RBPMS: variants seen among roughly 807,000 people sequenced by gnomAD.
RBPMS encodes the protein RNA-binding protein with multiple splicing.
A neutral mutation model predicts 26.8 loss-of-function variants in RBPMS; 7 were observed. The ratio of observed to expected loss-of-function variants is 0.26; its 90% CI spans 0.15 to 0.49. The LOEUF is 0.49. RBPMS is among the 20% of genes least tolerant of loss of function. RBPMS has a pLI of 0.98. For missense variants in RBPMS, 186 were observed against 250.0 expected, an observed-to-expected ratio of 0.74 and a Z score of 1.73; for synonymous variants, 96 against 93.3, an observed-to-expected ratio of 1.03 and a Z score of -0.17.
intron 5 of RBPMS, among the ~76,000 whole-genome samples, chr8:30,532,346 GACA>G (rs1042955939): frequency 1.3e-5 from 2 of 152,134 alleles, no homozygotes; most frequent in South Asian, 2.1e-4. Context: ...CTATAGCAGA[GACA>G]ACATTATTTA....
intron 1 of RBPMS, among the ~76,000 whole-genome samples, chr8:30,408,249 G>C (rs955517271): frequency 2.6e-5 from 4 of 152,166 alleles, no homozygotes; most frequent in African/African-American, 9.7e-5. Flanking sequence ...CACTACTCCA[G>C]CTGGGCACAG....
chr8:30,499,462 A>G (rs1280010180), intron 4 of RBPMS, among the ~76,000 whole-genome samples: 1 of 152,226 alleles, frequency 6.6e-6, no homozygotes. Flanking sequence ...TCTTTACAAT[A>G]GAGAAACTTG....
intron 1 of RBPMS, among the ~76,000 whole-genome samples, chr8:30,461,709 A>G (rs1815933224): frequency 6.6e-6 from 1 of 152,150 alleles, no homozygotes. Flanking sequence ...GTACAGTTCT[A>G]AGAATACAGA....
At chr8:30,425,557 G>T (rs1462260487) in intron 1 of RBPMS, among the ~76,000 whole-genome samples, 2 of 151,854 alleles carry the variant, frequency 1.3e-5, no homozygotes, top group Non-Finnish European at 2.9e-5. Context: ...GTGCCACCAC[G>T]CCCCGCTAAA....
chr8:30,506,913 C>A (rs747008551), intron 5 of RBPMS, among the ~76,000 whole-genome samples: 16 of 152,062 alleles, frequency 1.1e-4, no homozygotes, highest in Non-Finnish European at 2.1e-4. Flanking sequence ...TGTGCTAGAC[C>A]CTGGAGAAGA....
chr8:30,385,693 CT>C (rs987785231), intron 1 of RBPMS, among the ~76,000 whole-genome samples: 1 of 152,138 alleles, frequency 6.6e-6, no homozygotes, highest in Non-Finnish European at 1.5e-5. Flanking sequence ...TTCTTCTCTG[CT>C]GAGTCAAAGA....
chr8:30,460,756 A>C (rs1481083297), intron 1 of RBPMS, among the ~76,000 whole-genome samples: 1 of 152,204 alleles, frequency 6.6e-6, no homozygotes, highest in Non-Finnish European at 1.5e-5. Flanking sequence ...TATTGAATCT[A>C]GTCAATTAAA....
At position 30,487,359 on chromosome 8, in the gene RBPMS, C is replaced by G. The variant is rs536378586; in HGVS notation, c.246+7982C>G. ...GGATTTGAACTTTTGCTCCACAAAG[C>G]TAGAACCCTTGGTCTTACTCTGTAA... On this transcript the variant is annotated intron_variant, in intron 4 of 8. Transcript: ENST00000397323. Among the ~76,000 whole-genome samples, 19 of 152,338 alleles carry G rather than the reference C, an allele frequency of 1.2e-4. 2 individuals are homozygous for G. The highest frequency in any genetic ancestry group is 4.3e-4 in the African/African-American group (18 of 41,582).
At chr8:30,496,358 G>A (rs542499303) in intron 4 of RBPMS, among the ~76,000 whole-genome samples, 12 of 151,996 alleles carry the variant, frequency 7.9e-5, no homozygotes, top group Non-Finnish European at 1.3e-4. Flanking sequence ...TTAGTAGAGC[G>A]GGGGTTTCAC....
At chr8:30,562,745 C>G (rs1045587934) in intron 7 of RBPMS, among the ~76,000 whole-genome samples, 1 of 152,132 alleles carries the variant, frequency 6.6e-6, no homozygotes, top group East Asian at 1.9e-4. Context: ...TCTCTCCGTT[C>G]GGCGGGGAGG....
In RBPMS at chr8:30,422,664, C is replaced by T. The variant is rs780431001; in HGVS notation, c.66+37506C>T. Among the ~76,000 whole-genome samples, 19 of 152,190 alleles carry T rather than the reference C, an allele frequency of 1.2e-4. No individual in the cohort carries two copies. The East Asian group carries it at 1.9e-3, about 15-fold the overall frequency. On this transcript the variant is annotated intron_variant, in intron 1 of 8. Coordinates refer to ENST00000397323, the MANE Select transcript of RBPMS (RefSeq NM_001008710.3). ...GGAACTTAATAATGTACAAGAGAAA[C>T]CCAAATGTACGTTTCTGAACAAATT...
At chr8:30,566,203 G>C (rs1016224773) in intron 7 of RBPMS, 54 bp from the exon 8 acceptor site, 83 of 960,748 alleles carry the variant, frequency 8.6e-5, no homozygotes, top group Non-Finnish European at 9.8e-5. Context: ...GACCGAGGCA[G>C]CCCCAGGTGG....
intron 1 of RBPMS, among the ~76,000 whole-genome samples, chr8:30,418,459 A>G (rs1238863320): frequency 6.6e-6 from 1 of 152,114 alleles, no homozygotes. Flanking sequence ...TTTCTTATTA[A>G]AGAAGTGTAT....
At chr8:30,540,613 G>A (rs1407426134) in intron 5 of RBPMS, among the ~76,000 whole-genome samples, 1 of 152,168 alleles carries the variant, frequency 6.6e-6, no homozygotes, top group East Asian at 1.9e-4. Context: ...TTTAAGATAC[G>A]GGGTCTCGCT....
chr8:30,476,093 G>T (rs1378649695), intron 2 of RBPMS, among the ~76,000 whole-genome samples: 2 of 152,120 alleles, frequency 1.3e-5, no homozygotes, highest in Non-Finnish European at 2.9e-5. Context: ...TTATGTTTTG[G>T]GGTGTATAGA....
At chr8:30,535,186 C>T (rs902430355) in intron 5 of RBPMS, among the ~76,000 whole-genome samples, 21 of 152,126 alleles carry the variant, frequency 1.4e-4, no homozygotes, top group Non-Finnish European at 1.5e-5. Context: ...AACTGTAAAT[C>T]ATTGGGTGGA....
chr8:30,548,877 G>A (rs996886636), intron 6 of RBPMS, among the ~76,000 whole-genome samples: 5 of 152,232 alleles, frequency 3.3e-5, no homozygotes, highest in African/African-American at 1.2e-4. Context: ...ATGCCCTGTA[G>A]GAAATAACTG....
rs1563463967 is a variant in RBPMS, at chr8:30,570,641, G to C, written c.*116G>C. Reference sequence around the variant, plus strand: ...CATGTTTTCTTTCTGTTTCAGGCTTGAAAAACCCTTGCCCAGTTTTGATCC... The same window carrying C: ...CATGTTTTCTTTCTGTTTCAGGCTTCAAAAACCCTTGCCCAGTTTTGATCC... On this transcript the variant is annotated 3_prime_UTR_variant, in exon 9 of 9. Transcript: ENST00000397323. 2 of 152,590 alleles carry C rather than the reference G, an allele frequency of 1.3e-5. No individual in the cohort carries two copies. Among genetic ancestry groups the C allele is most frequent in the South Asian group, 2.1e-4 (1 of 4,822 alleles). 9.5% of individuals were successfully genotyped at this position (152,590 alleles called of 1,614,324 possible). A position where few individuals can be genotyped will look rare whatever the true frequency, so the allele number is the denominator to read the frequency against.
chr8:30,564,724 A>G (rs1255237947), intron 7 of RBPMS: 3 of 152,294 alleles, frequency 2.0e-5, no homozygotes, highest in Non-Finnish European at 2.9e-5. Context: ...AAGTTCAAAG[A>G]GGGTAGCCAC....
Sources: allele counts gnomAD v4.1 joint callset (sites outside exome capture counted in the v4.1 genomes callset), GRCh38; gene constraint gnomAD v4.1.1; transcripts MANE v1.5; gene names NCBI Gene and HGNC (gene_info 2026-07-23, HGNC 2026-07-21).